Variants in THSD7B observed in about 807,000 individuals in gnomAD.
The protein encoded by THSD7B is thrombospondin type 1 domain containing 7B, also known as thrombospondin type-1 domain-containing protein 7B.
Under a neutral mutation model 213.6 loss-of-function variants are expected in THSD7B, and 138 were observed. The ratio of observed to expected loss-of-function variants is 0.65; its 90% CI spans 0.56 to 0.74. The LOEUF is 0.74. Among genes scored for constraint, THSD7B ranks in the 30% least tolerant of loss-of-function variants. The pLI is 0.00. For synonymous variants in THSD7B, 742 were observed against 687.0 expected (o/e 1.08, Z -1.25); for missense variants, 1,931 against 1,991.5 (o/e 0.97, Z 0.58).
At chr2:136,930,542 G>A (rs557963378) in intron 2 of THSD7B, among the ~76,000 whole-genome samples, 1 of 152,330 alleles carries the variant, frequency 6.6e-6, no homozygotes. Context: ...TAATGTGAAA[G>A]TATAGTGCTG....
At chr2:137,435,618 T>C (rs372720649) in intron 14 of THSD7B, among the ~76,000 whole-genome samples, 7 of 152,148 alleles carry the variant, frequency 4.6e-5, no homozygotes, top group Admixed American at 4.6e-4. Context: ...TGAAGAACAT[T>C]TTCATGTCCA....
chr2:137,349,975 G>A (rs1684971058), intron 12 of THSD7B, among the ~76,000 whole-genome samples: 1 of 151,682 alleles, frequency 6.6e-6, no homozygotes, highest in Non-Finnish European at 1.5e-5. Flanking sequence ...ACACAGTTTG[G>A]GGCCAGAGAC....
intron 15 of THSD7B, among the ~76,000 whole-genome samples, chr2:137,511,273 G>C (rs1373108556): frequency 6.6e-6 from 1 of 152,112 alleles, no homozygotes; most frequent in Admixed American, 6.5e-5. Context: ...GAAAGTCTCT[G>C]TCTGCTAAGT....
intron 15 of THSD7B, among the ~76,000 whole-genome samples, chr2:137,525,247 G>A (rs1680257170): frequency 6.6e-6 from 1 of 152,150 alleles, no homozygotes; most frequent in African/African-American, 2.4e-5. Context: ...CAAACACCAT[G>A]CACAATTTCT....
At chr2:137,172,754 C>T (rs1490065647) in intron 7 of THSD7B, among the ~76,000 whole-genome samples, 1 of 152,278 alleles carries the variant, frequency 6.6e-6, no homozygotes, top group African/African-American at 2.4e-5. Flanking sequence ...GGACTTGAGA[C>T]GGGCATCTGA....
intron 13 of THSD7B, among the ~76,000 whole-genome samples, chr2:137,410,856 T>C (rs1202453444): frequency 6.6e-6 from 1 of 152,198 alleles, no homozygotes; most frequent in Non-Finnish European, 1.5e-5. Flanking sequence ...TCCAGAGGAA[T>C]TGTGTTAACA....
intron 12 of THSD7B, among the ~76,000 whole-genome samples, chr2:137,389,962 G>T (rs1349149438): frequency 4.6e-5 from 7 of 151,918 alleles, no homozygotes; most frequent in Admixed American, 4.6e-4. Flanking sequence ...TGATGTTTGG[G>T]GTTTTGAAGT....
intron 12 of THSD7B, among the ~76,000 whole-genome samples, chr2:137,313,715 C>T (rs1683992114): frequency 6.6e-6 from 1 of 152,118 alleles, no homozygotes; most frequent in Admixed American, 6.5e-5. Context: ...GTGACAAAAT[C>T]TCTCAGCATT....
At chr2:136,882,051 A>G (rs1683633048) in intron 1 of THSD7B, 93 bp from the exon 2 acceptor site, 4 of 1,018,226 alleles carry the variant, frequency 3.9e-6, no homozygotes, top group Non-Finnish European at 5.3e-6. Context: ...AAAAACTTGC[A>G]ATACCATCAT....
intron 14 of THSD7B, among the ~76,000 whole-genome samples, chr2:137,430,200 T>C (rs1244518216): frequency 6.6e-6 from 1 of 152,142 alleles, no homozygotes; most frequent in Non-Finnish European, 1.5e-5. Flanking sequence ...TGAGCTGTGA[T>C]CATATCACTA....
chr2:136,998,018 C>T (rs59927749), intron 2 of THSD7B, among the ~76,000 whole-genome samples: 8,043 of 151,958 alleles, frequency 0.053, 297 homozygotes, highest in East Asian at 0.12. Flanking sequence ...GTAGTCACAC[C>T]GTAGCAGACA....
Position 136,969,892 on chromosome 2 carries a change from A to G in THSD7B, c.140-86528A>G, listed in dbSNP as rs112215841. ...AATTAGACAGATGGGAATCTTTCCAATTGAGGGAAGCTTCCAATATGAAAG... is the reference window on the plus strand; with the variant it reads ...AATTAGACAGATGGGAATCTTTCCAGTTGAGGGAAGCTTCCAATATGAAAG... On this transcript the variant is annotated intron_variant, in intron 2 of 27. Transcript: ENST00000409968. Among the ~76,000 whole-genome samples the G allele has an allele frequency of 1.8e-3, 280 of 152,322 alleles. 3 individuals carry two copies. The highest frequency in any genetic ancestry group is 6.4e-3 in the African/African-American group (267 of 41,570).
At chr2:137,653,449 A>T (rs1339784546) in intron 21 of THSD7B, among the ~76,000 whole-genome samples, 1 of 151,856 alleles carries the variant, frequency 6.6e-6, no homozygotes, top group East Asian at 1.9e-4. Context: ...ACCTTGCAGT[A>T]CCTAGATATT....
intron 15 of THSD7B, among the ~76,000 whole-genome samples, chr2:137,509,040 A>G (rs911840981): frequency 6.6e-6 from 1 of 152,122 alleles, no homozygotes; most frequent in Non-Finnish European, 1.5e-5. Context: ...TAATTCCTGA[A>G]GGCAACCTGG....
At chr2:137,211,162 C>T (rs2117745) in intron 7 of THSD7B, among the ~76,000 whole-genome samples, 90,596 of 151,568 alleles carry the variant, frequency 0.6, 27,479 homozygotes, top group South Asian at 0.71. Context: ...ACTTTGGCTT[C>T]GGAAATGAGA....
At chr2:137,155,806 A>T (rs905739913) in intron 5 of THSD7B, among the ~76,000 whole-genome samples, 21 of 152,194 alleles carry the variant, frequency 1.4e-4, no homozygotes, top group African/African-American at 4.8e-4. Flanking sequence ...AAATTTATTT[A>T]AAGATTCTTG....
chr2:136,857,558 A>G (rs552276795), intron 1 of THSD7B, among the ~76,000 whole-genome samples: 1 of 152,188 alleles, frequency 6.6e-6, no homozygotes, highest in Non-Finnish European at 1.5e-5. Flanking sequence ...ATGTGGTTCT[A>G]TAGCTATGTA....
chr2:136,821,674 G>C, intron 1 of THSD7B, among the ~76,000 whole-genome samples: 1 of 152,196 alleles, frequency 6.6e-6, no homozygotes, highest in East Asian at 1.9e-4. Context: ...GCTCTGCAAA[G>C]TCTCCTTCCG....
At chr2:137,198,584 A>G (rs1680812852) in intron 7 of THSD7B, among the ~76,000 whole-genome samples, 1 of 152,148 alleles carries the variant, frequency 6.6e-6, no homozygotes, top group African/African-American at 2.4e-5. Context: ...CATCTGAATA[A>G]TGACCAGAAC....
Sources: gnomAD v4.1 joint callset for allele counts (sites outside exome capture counted in the v4.1 genomes callset) on GRCh38, gnomAD v4.1.1 for gene constraint, MANE v1.5 for transcripts, NCBI Gene and HGNC (gene_info 2026-07-23, HGNC 2026-07-21) for gene names.